FHIT: variants seen among roughly 807,000 people sequenced by gnomAD.
FHIT encodes fragile histidine triad diadenosine triphosphatase.
Under a neutral mutation model 17.9 loss-of-function variants are expected in FHIT, and 19 were observed. That is an observed-to-expected ratio of 1.06 (90% confidence interval 0.74 to 1.56). FHIT has a LOEUF of 1.56. Among genes scored for constraint, FHIT ranks in the 40% most tolerant of loss-of-function variants. The pLI is 0.00. For synonymous variants in FHIT, 81 were observed against 69.7 expected, an observed-to-expected ratio of 1.16 and a Z score of -0.81; for missense variants, 248 against 189.2, an observed-to-expected ratio of 1.31 and a Z score of -1.82.
At chr3:59,769,879 T>C (rs951754604) in intron 8 of FHIT, among the ~76,000 whole-genome samples, 29 of 152,196 alleles carry the variant, frequency 1.9e-4, no homozygotes, top group African/African-American at 6.5e-4. Flanking sequence ...TGTGTATTTT[T>C]ACACACACAA....
chr3:61,213,447 T>A (rs1035486259), intron 1 of FHIT, among the ~76,000 whole-genome samples: 2 of 152,104 alleles, frequency 1.3e-5, no homozygotes, highest in Admixed American at 6.6e-5. Context: ...ATTCAACAAG[T>A]AGAGCTAACT....
At chr3:60,321,228 C>T (rs1387773030) in intron 5 of FHIT, among the ~76,000 whole-genome samples, 2 of 152,170 alleles carry the variant, frequency 1.3e-5, no homozygotes, top group Non-Finnish European at 2.9e-5. Flanking sequence ...GCCTGCAATT[C>T]CAGTACTCTG....
chr3:59,998,380 C>T (rs1047425333), intron 7 of FHIT, among the ~76,000 whole-genome samples: 4 of 152,088 alleles, frequency 2.6e-5, no homozygotes, highest in Non-Finnish European at 4.4e-5. Flanking sequence ...TGCCAATACA[C>T]ATTTTATGGA....
chr3:60,941,045 T>C (rs1193318187), intron 3 of FHIT, among the ~76,000 whole-genome samples: 2 of 152,184 alleles, frequency 1.3e-5, no homozygotes, highest in Non-Finnish European at 2.9e-5. Flanking sequence ...TGTAGTCCAA[T>C]AGATCCACAA....
At chr3:61,188,267 G>A (rs368624577) in intron 2 of FHIT, among the ~76,000 whole-genome samples, 12 of 151,892 alleles carry the variant, frequency 7.9e-5, no homozygotes, top group Non-Finnish European at 1.0e-4. Flanking sequence ...CCGATCCCAC[G>A]GAAATACAAA....
intron 8 of FHIT, among the ~76,000 whole-genome samples, chr3:59,848,946 T>A (rs984052841): frequency 6.6e-6 from 1 of 152,200 alleles, no homozygotes; most frequent in Non-Finnish European, 1.5e-5. Context: ...TATTCAAATA[T>A]CACATGATCC....
chr3:60,939,425 A>C (rs577921014), intron 3 of FHIT, among the ~76,000 whole-genome samples: 1 of 152,166 alleles, frequency 6.6e-6, no homozygotes. Flanking sequence ...AGTCCTTTAC[A>C]GAAAAAGGTT....
chr3:60,164,980 C>T (rs188927982), intron 5 of FHIT, among the ~76,000 whole-genome samples: 198 of 152,178 alleles, frequency 1.3e-3, no homozygotes, highest in African/African-American at 4.5e-3. Context: ...AGAGTCACAA[C>T]GCAAAAACAA....
At chr3:60,863,164 G>A (rs1220586986) in intron 3 of FHIT, among the ~76,000 whole-genome samples, 1 of 152,180 alleles carries the variant, frequency 6.6e-6, no homozygotes, top group African/African-American at 2.4e-5. Flanking sequence ...TAAAATGTAG[G>A]AGGCTCTGTG....
At chr3:59,778,123 C>A (rs1702413329) in intron 8 of FHIT, among the ~76,000 whole-genome samples, 1 of 152,120 alleles carries the variant, frequency 6.6e-6, no homozygotes, top group African/African-American at 2.4e-5. Context: ...TTTGTTCACC[C>A]CTCTATCCCC....
rs1156410696 is a variant in FHIT, at chr3:61,014,808, A to AAAAAAAAAAAAAAAAAT, written c.-111+27238_-111+27239insATTTTTTTTTTTTTTTT. Among the ~76,000 whole-genome samples the AAAAAAAAAAAAAAAAAT allele has an allele frequency of 2.2e-4, 6 of 26,976 alleles. 1 individual carries two copies. The highest frequency in any genetic ancestry group is 4.1e-4 in the African/African-American group (5 of 12,120). 17.7% of individuals were successfully genotyped at this position (26,976 alleles called of 152,430 possible). The stretch of plus-strand genomic sequence containing the variant: ...AAAAAAAAAAAAAAAAAAAAAAAAA[A>AAAAAAAAAAAAAAAAAT]TATATATATATATATATGTATACAC... On this transcript the variant is annotated intron_variant, in intron 3 of 9. Transcript: ENST00000492590.
At chr3:60,826,176 A>T (rs1040199659) in intron 3 of FHIT, among the ~76,000 whole-genome samples, 2 of 128,260 alleles carry the variant, frequency 1.6e-5, no homozygotes, top group South Asian at 2.2e-4. Context: ...GAAGGAAGGA[A>T]GGAAGGAAGG....
At chr3:61,122,809 T>A (rs2036497001) in intron 2 of FHIT, among the ~76,000 whole-genome samples, 1 of 152,100 alleles carries the variant, frequency 6.6e-6, no homozygotes, top group African/African-American at 2.4e-5. Context: ...TGAGATACCA[T>A]CTCACACCAG....
intron 7 of FHIT, among the ~76,000 whole-genome samples, chr3:59,975,370 A>G (rs545096600): frequency 6.6e-6 from 1 of 152,236 alleles, no homozygotes; most frequent in South Asian, 2.1e-4. Context: ...GGGAGATGAT[A>G]AAAAGGACAC....
rs372800317 is a variant in FHIT, at chr3:60,189,241, G to C, written c.104-175089C>G. Among the ~76,000 whole-genome samples the C allele has an allele frequency of 5.9e-5, 9 of 151,820 alleles. No homozygotes were observed. The South Asian group carries it at 6.2e-4, about 11-fold the overall frequency. ...GGTGTTCAATTTAGAAGCTGGGGGT[G>C]GGGGGGAAAGAGGAGAAAGAAAAGA... On this transcript the variant is annotated intron_variant, in intron 5 of 9. Coordinates refer to ENST00000492590, the MANE Select transcript of FHIT (RefSeq NM_002012.4).
At chr3:60,895,665 C>CCTTTCTTTCTTTCTTTCTTTCTTT (rs141279352) in intron 3 of FHIT, among the ~76,000 whole-genome samples, 3 of 107,016 alleles carry the variant, frequency 2.8e-5, no homozygotes, top group East Asian at 3.2e-4. Context: ...TTCCTTCCTT[C>CCTTTCTTTCTTTCTTTCTTTCTTT]CTTTCTTTCT....
intron 5 of FHIT, among the ~76,000 whole-genome samples, chr3:60,213,702 C>A (rs1389180650): frequency 6.6e-6 from 1 of 152,092 alleles, no homozygotes; most frequent in Non-Finnish European, 1.5e-5. Context: ...AGATGGAAAC[C>A]AGAATTTTTA....
At chr3:60,696,294 G>A (rs1411336157) in intron 4 of FHIT, among the ~76,000 whole-genome samples, 3 of 152,082 alleles carry the variant, frequency 2.0e-5, no homozygotes, top group Non-Finnish European at 2.9e-5. Flanking sequence ...TTCTCCATAC[G>A]TTGAAAAGTG....
At chr3:60,117,494 T>TAAAAAAAAA (rs34113926) in intron 5 of FHIT, among the ~76,000 whole-genome samples, 1 of 86,804 alleles carries the variant, frequency 1.2e-5, no homozygotes, top group African/African-American at 4.5e-5. Flanking sequence ...ACTTCCTATC[T>TAAAAAAAAA]AAAAAAAAAA....
Sources: allele counts gnomAD v4.1 joint callset (sites outside exome capture counted in the v4.1 genomes callset), GRCh38; gene constraint gnomAD v4.1.1; transcripts MANE v1.5; gene names NCBI Gene and HGNC (gene_info 2026-07-23, HGNC 2026-07-21).